FAAH2: variants seen among roughly 807,000 people sequenced by gnomAD.
FAAH2 encodes fatty acid amide hydrolase 2, also known as fatty-acid amide hydrolase 2.
FAAH2 carries 60 observed loss-of-function variants against 36.9 expected under a neutral mutation model. That is an observed-to-expected ratio of 1.63 (90% confidence interval 1.32 to 2.02). The LOEUF is 2.02. Ranked by LOEUF, FAAH2 falls within the 30% of genes most tolerant of loss-of-function variation. The pLI is 0.00. For missense variants in FAAH2, 689 were observed against 397.5 expected (o/e 1.73, Z -6.23); for synonymous variants, 214 against 143.8 (o/e 1.49, Z -3.49).
chrX:57,263,083 C>T, the FAAH2 span, among the ~76,000 whole-genome samples: 1 of 111,267 alleles, frequency 9.0e-6, no homozygotes, highest in Non-Finnish European at 1.9e-5. Context: ...CTCTTAATTA[C>T]AATGCTGGAA....
chrX:57,171,991 C>A, the FAAH2 span, among the ~76,000 whole-genome samples: 299 of 111,933 alleles, frequency 2.7e-3, no homozygotes, highest in African/African-American at 9.2e-3. Flanking sequence ...TTTCCTAGCA[C>A]ATTTATAGAA....
At chrX:57,149,625 G>T in the FAAH2 span, among the ~76,000 whole-genome samples, 3 of 110,866 alleles carry the variant, frequency 2.7e-5, no homozygotes, top group African/African-American at 6.6e-5. Context: ...ATTTTTTATT[G>T]CATCTATTTG....
intron 7 of FAAH2, among the ~76,000 whole-genome samples, chrX:57,420,403 T>A: frequency 9.0e-6 from 1 of 111,685 alleles, no homozygotes; most frequent in Non-Finnish European, 1.9e-5. Context: ...CCTTGAGCAG[T>A]GGTTCGTAGT....
intron 10 of FAAH2, among the ~76,000 whole-genome samples, chrX:57,471,435 A>C (rs1473084882): frequency 2.7e-5 from 3 of 111,906 alleles, no homozygotes; most frequent in Admixed American, 9.5e-5. Context: ...AATCACAATC[A>C]TTCTTATACA....
upstream of FAAH2, among the ~76,000 whole-genome samples, chrX:57,282,571 A>C (rs2051764426): frequency 8.9e-6 from 1 of 112,121 alleles, no homozygotes; most frequent in Non-Finnish European, 1.9e-5. Context: ...CTGTAGTGTA[A>C]TATGAGTATA....
the FAAH2 span, among the ~76,000 whole-genome samples, chrX:57,175,708 G>T: frequency 9.0e-6 from 1 of 111,356 alleles, no homozygotes; most frequent in Admixed American, 9.6e-5. Context: ...GGTCTATATT[G>T]AACCTCCGTT....
intron 7 of FAAH2, among the ~76,000 whole-genome samples, chrX:57,421,445 AT>A (rs769026042): frequency 9.0e-6 from 1 of 111,269 alleles, no homozygotes; most frequent in East Asian, 2.8e-4. Context: ...ACAGAAATTT[AT>A]TTTTTCATAG....
At chrX:57,405,979 T>C (rs1273490743) in intron 7 of FAAH2, among the ~76,000 whole-genome samples, 1 of 109,459 alleles carries the variant, frequency 9.1e-6, no homozygotes, top group Non-Finnish European at 1.9e-5. Flanking sequence ...TCCATTGCTA[T>C]GGAGATATTG....
chrX:57,232,529 G>A, the FAAH2 span, among the ~76,000 whole-genome samples: 4 of 112,122 alleles, frequency 3.6e-5, no homozygotes, highest in African/African-American at 9.7e-5. Flanking sequence ...TTGATTCTCA[G>A]AATATGGGAG....
the FAAH2 span, among the ~76,000 whole-genome samples, chrX:57,169,877 C>T: frequency 9.2e-6 from 1 of 108,529 alleles, no homozygotes; most frequent in Non-Finnish European, 1.9e-5. Flanking sequence ...TAAACACACA[C>T]ACACACACAC....
At chrX:57,383,747 C>T (rs1400424305) in intron 7 of FAAH2, among the ~76,000 whole-genome samples, 1 of 111,759 alleles carries the variant, frequency 8.9e-6, no homozygotes, top group Non-Finnish European at 1.9e-5. Flanking sequence ...GGTCATACTG[C>T]CCAAGGTAAT....
intron 7 of FAAH2, among the ~76,000 whole-genome samples, chrX:57,419,569 GT>G (rs1490819909): frequency 9.0e-6 from 1 of 111,374 alleles, no homozygotes; most frequent in Non-Finnish European, 1.9e-5. Flanking sequence ...GGGGTTGTTT[GT>G]TTTTTTCTTG....
chrX:57,221,070 G>A, the FAAH2 span, among the ~76,000 whole-genome samples: 3 of 111,419 alleles, frequency 2.7e-5, no homozygotes, highest in African/African-American at 9.8e-5. Context: ...CCTCCCAGGT[G>A]TCTGTTGTAG....
chrX:57,349,127 A>G (rs780583703), intron 5 of FAAH2, among the ~76,000 whole-genome samples: 1 of 92,765 alleles, frequency 1.1e-5, no homozygotes, highest in African/African-American at 3.7e-5. Flanking sequence ...TAATATATAC[A>G]CATATATATA....
At chrX:57,468,752 G>A (rs1279077226) in intron 10 of FAAH2, among the ~76,000 whole-genome samples, 2 of 111,155 alleles carry the variant, frequency 1.8e-5, no homozygotes, top group Admixed American at 1.9e-4. Flanking sequence ...AGAGAATGCT[G>A]CAAAGATACT....
At chrX:57,448,867 G>A (rs756326056) in intron 10 of FAAH2, 149 bp downstream of exon 10, 34 of 532,844 alleles carry the variant, frequency 6.4e-5, no homozygotes, top group Non-Finnish European at 8.4e-5. Context: ...GAAAACAGTT[G>A]CTAATGTCAT....
the FAAH2 span, among the ~76,000 whole-genome samples, chrX:57,162,568 T>G: frequency 1.9e-4 from 21 of 111,643 alleles, no homozygotes; most frequent in African/African-American, 6.5e-4. Context: ...TTCTTTTTAT[T>G]CTTTTTTCTC....
At chrX:57,424,237 G>C (rs1027858855) in intron 7 of FAAH2, among the ~76,000 whole-genome samples, 15 of 112,306 alleles carry the variant, frequency 1.3e-4, no homozygotes, top group Non-Finnish European at 2.4e-4. Flanking sequence ...CGTGAGGACA[G>C]GTTTGCCTCT....
the FAAH2 span, among the ~76,000 whole-genome samples, chrX:57,226,065 C>T: frequency 3.3e-4 from 37 of 111,966 alleles, no homozygotes; most frequent in Admixed American, 1.6e-3. Flanking sequence ...AGACAGTAGA[C>T]GGTTGGTTAA....
Sources: gnomAD v4.1 joint callset for allele counts (sites outside exome capture counted in the v4.1 genomes callset) on GRCh38, gnomAD v4.1.1 for gene constraint, MANE v1.5 for transcripts, NCBI Gene and HGNC (gene_info 2026-07-23, HGNC 2026-07-21) for gene names.